The following KATNAL1 variants were observed in gnomAD, a reference collection of about 807,000 sequenced individuals.
The protein encoded by KATNAL1 is katanin catalytic subunit A1 like 1.
In KATNAL1, 32 loss-of-function variants were observed where a neutral mutation model predicts 55.2. The observed-to-expected ratio is 0.58, with a 90% CI of 0.44 to 0.78. The LOEUF (loss-of-function observed/expected upper bound fraction) is 0.78. Among genes scored for constraint, KATNAL1 ranks in the 30% least tolerant of loss-of-function variants. The pLI, the probability that KATNAL1 is intolerant of heterozygous loss-of-function variation, is 0.00. For missense variants in KATNAL1, 466 were observed against 600.9 expected (o/e 0.78, Z 2.35); for synonymous variants, 193 against 193.6 (o/e 1.00, Z 0.02).
intron 1 of KATNAL1, among the ~76,000 whole-genome samples, chr13:30,294,994 G>T (rs1882385921): frequency 6.6e-6 from 1 of 152,172 alleles, no homozygotes; most frequent in Non-Finnish European, 1.5e-5. Flanking sequence ...CAGAAAAAAA[G>T]ATTCCTTTAA....
intron 9 of KATNAL1, among the ~76,000 whole-genome samples, chr13:30,211,308 C>T (rs192052005): frequency 1.2e-3 from 176 of 152,298 alleles, no homozygotes; most frequent in African/African-American, 3.8e-3. Context: ...CTAGCTGGCT[C>T]GTCATCTCTC....
intron 2 of KATNAL1, among the ~76,000 whole-genome samples, chr13:30,282,519 C>T (rs370967221): frequency 1.3e-5 from 2 of 151,826 alleles, no homozygotes; most frequent in African/African-American, 4.8e-5. Context: ...GAACCTGTCC[C>T]CCTAGCTACT....
intron 3 of KATNAL1, among the ~76,000 whole-genome samples, chr13:30,276,793 T>C (rs1880879387): frequency 6.6e-6 from 1 of 152,128 alleles, no homozygotes; most frequent in Admixed American, 6.5e-5. Flanking sequence ...GCAGAGTGCA[T>C]ACAAATAAGA....
chr13:30,281,133 A>G (rs574605785), intron 2 of KATNAL1, among the ~76,000 whole-genome samples: 9 of 139,266 alleles, frequency 6.5e-5, no homozygotes, highest in East Asian at 2.0e-4. Context: ...AAAAAAAAAA[A>G]AAAAGAAAAG....
chr13:30,256,253 T>A (rs1039495271), intron 3 of KATNAL1, among the ~76,000 whole-genome samples: 11 of 152,218 alleles, frequency 7.2e-5, no homozygotes, highest in African/African-American at 2.7e-4. Flanking sequence ...TGATTAAAAA[T>A]TTTGATAAAT....
At chr13:30,286,011 A>G (rs1332633110) in intron 1 of KATNAL1, among the ~76,000 whole-genome samples, 1 of 152,176 alleles carries the variant, frequency 6.6e-6, no homozygotes, top group Non-Finnish European at 1.5e-5. Flanking sequence ...GGAAGGGGGG[A>G]TTGCTCTTAA....
intron 3 of KATNAL1, among the ~76,000 whole-genome samples, chr13:30,263,088 C>T (rs1364669445): frequency 6.6e-6 from 1 of 152,108 alleles, no homozygotes; most frequent in African/African-American, 2.4e-5. Flanking sequence ...TAAATGTAAT[C>T]CAGCATATAA....
At chr13:30,269,525 GCTGC>G in intron 3 of KATNAL1, among the ~76,000 whole-genome samples, 1 of 151,774 alleles carries the variant, frequency 6.6e-6, no homozygotes, top group Admixed American at 6.6e-5. Context: ...TCTCTGCCTG[GCTGC>G]CCATCGTCTG....
At position 30,275,288 on chromosome 13, in the gene KATNAL1, C is replaced by T. The variant is rs564841724; in HGVS notation, c.323+4775G>A. ...GCAAAAGAGTGAGCAAGAGAGGTTG[C>T]GGGGGCAGTGCTGCACTCTTGTAAA... On this transcript the variant is annotated intron_variant, in intron 3 of 10. Coordinates refer to ENST00000380615, the MANE Select transcript of KATNAL1 (RefSeq NM_032116.5). Among the ~76,000 whole-genome samples the T allele has an allele frequency of 9.2e-5, 14 of 152,168 alleles. No individual in the cohort carries two copies. In the East Asian group the frequency reaches 2.3e-3, roughly 25 times the overall value.
At position 30,208,816 on chromosome 13, in the gene KATNAL1, A is replaced by G. The variant is rs978013036; in HGVS notation, c.1275-78T>C. The G allele has an allele frequency of 7.2e-6, 7 of 976,318 alleles. 1 individual carries two copies. The highest frequency in any genetic ancestry group is 3.1e-5 in the Admixed American group (1 of 32,242). 60.5% of individuals were successfully genotyped at this position (976,318 alleles called of 1,614,324 possible). On this transcript the variant is annotated intron_variant, in intron 10 of 10. Coordinates refer to ENST00000380615, the MANE Select transcript of KATNAL1 (RefSeq NM_032116.5). ...CTTTCAATTGTAACAAAGTTATGAA[A>G]AAAAAATCAAAAGATTATTTTATAT...
At chr13:30,228,900 A>G (rs993681783) in intron 8 of KATNAL1, among the ~76,000 whole-genome samples, 8 of 152,092 alleles carry the variant, frequency 5.3e-5, no homozygotes, top group African/African-American at 1.7e-4. Flanking sequence ...CTACAGGCAC[A>G]TGCCACCACA....
chr13:30,258,388 AC>A (rs1878963135), intron 3 of KATNAL1, among the ~76,000 whole-genome samples: 1 of 152,192 alleles, frequency 6.6e-6, no homozygotes, highest in Non-Finnish European at 1.5e-5. Context: ...GTCCTATGTC[AC>A]ATATATGCTT....
intron 1 of KATNAL1, among the ~76,000 whole-genome samples, chr13:30,304,654 C>T (rs980997565): frequency 1.5e-4 from 23 of 152,228 alleles, no homozygotes; most frequent in Admixed American, 1.4e-3. Context: ...CTGGTCCATT[C>T]TCCCTTGTAG....
At chr13:30,274,892 CGCGCGCG>C (rs1880664639) in intron 3 of KATNAL1, among the ~76,000 whole-genome samples, 24 of 88,150 alleles carry the variant, frequency 2.7e-4, no homozygotes, top group Admixed American at 7.7e-4. Context: ...CACACACATA[CGCGCGCG>C]CGCGCGCGCA....
At chr13:30,223,188 C>A (rs956605007) in intron 9 of KATNAL1, among the ~76,000 whole-genome samples, 1 of 151,056 alleles carries the variant, frequency 6.6e-6, no homozygotes, top group Non-Finnish European at 1.5e-5. Context: ...ACCTGTAATC[C>A]CAGCACTTCG....
intron 8 of KATNAL1, among the ~76,000 whole-genome samples, chr13:30,229,851 A>AAT (rs1330074822): frequency 6.6e-6 from 1 of 152,148 alleles, no homozygotes; most frequent in Admixed American, 6.5e-5. Flanking sequence ...GAAATTTAAA[A>AAT]ATATTAATTC....
intron 1 of KATNAL1, among the ~76,000 whole-genome samples, chr13:30,300,891 A>G (rs116414944): frequency 0.01 from 1,534 of 152,368 alleles, 27 homozygotes; most frequent in African/African-American, 0.034. Flanking sequence ...AAACAAAAAA[A>G]AACTGTTCAT....
In KATNAL1 at chr13:30,283,634, G is replaced by T; in HGVS notation, c.144C>A (p.Ile48=). ...RHCQSVRDPA[I]KGKWQQVRQE... ...ATCTTACCTGTTGCCATTTGCCTTT[G>T]ATAGCTGGATCTCTGACTGACTGGC... The change falls in exon 2 of 11, where the codon ATC becomes ATA. Residue 48 remains isoleucine, a synonymous_variant. Coordinates refer to ENST00000380615, the MANE Select transcript of KATNAL1 (RefSeq NM_032116.5). 6.2e-7 allele frequency: 1 copy of T among 1,613,698 alleles called. No individual in the cohort carries two copies. Among genetic ancestry groups the T allele is most frequent in the East Asian group, 2.2e-5 (1 of 44,854 alleles).
intron 1 of KATNAL1, among the ~76,000 whole-genome samples, chr13:30,295,111 A>G (rs533680958): frequency 6.6e-6 from 1 of 152,372 alleles, no homozygotes; most frequent in East Asian, 1.9e-4. Context: ...TCTGCAGGCC[A>G]TGGATAAAGG....
Sources: allele counts gnomAD v4.1 joint callset (sites outside exome capture counted in the v4.1 genomes callset), GRCh38; gene constraint gnomAD v4.1.1; transcripts MANE v1.5; gene names NCBI Gene and HGNC (gene_info 2026-07-23, HGNC 2026-07-21).